The following BCL2L15 variants were observed in gnomAD, a reference collection of about 807,000 sequenced individuals.
The protein encoded by BCL2L15 is BCL2 like 15, also known as bcl-2-like protein 15.
In BCL2L15, 15 loss-of-function variants were observed where a neutral mutation model predicts 18.3. The ratio of observed to expected loss-of-function variants is 0.82; its 90% CI spans 0.55 to 1.26. The LOEUF is 1.26. BCL2L15 is among the 50% of genes most tolerant of loss of function. The probability of loss-of-function intolerance (pLI) is 0.00; values close to 1 mark genes in which losing one functional copy is unlikely to be tolerated. For missense variants in BCL2L15, 180 were observed against 201.7 expected (o/e 0.89, Z 0.65); for synonymous variants, 58 against 68.5 (o/e 0.85, Z 0.76).
Position 113,877,256 on chromosome 1 carries a change from G to A in BCL2L15, c.*3867C>T, listed in dbSNP as rs1178636355. 6.6e-6 allele frequency among the ~76,000 whole-genome samples: 1 copy of A among 151,850 alleles called. No homozygotes were observed. The highest frequency in any genetic ancestry group is 2.4e-5 in the African/African-American group (1 of 41,300). Reference sequence around the variant, plus strand: ...TGATTAAGGCTATATAGGGCAGTTAGGGCCAGATACTGGGGGAATTTGAAT... The same window carrying A: ...TGATTAAGGCTATATAGGGCAGTTAAGGCCAGATACTGGGGGAATTTGAAT... On this transcript the variant is annotated 3_prime_UTR_variant, in exon 4 of 4. Transcript: ENST00000393316.
intron 3 of BCL2L15, chr1:113,881,425 A>G: frequency 7.7e-7 from 1 of 1,299,368 alleles, no homozygotes; most frequent in Admixed American, 3.4e-5. Context: ...AGAAGTTAGG[A>G]AAAAAAGACC....
rs908895725 is a variant in BCL2L15 at position 113,878,017 on chromosome 1, G to A, written c.*3106C>T. Among the ~76,000 whole-genome samples, 2 of 152,222 alleles carry A rather than the reference G, an allele frequency of 1.3e-5. No individual in the cohort carries two copies. The highest frequency in any genetic ancestry group is 6.5e-5 in the Admixed American group (1 of 15,286). On this transcript the variant is annotated 3_prime_UTR_variant, in exon 4 of 4. Coordinates refer to ENST00000393316, the MANE Select transcript of BCL2L15 (RefSeq NM_001010922.3). ...ATATTTAGGAATCACTCACATTGAT[G>A]TGAAAGTAAAGCCATTAAGAGTGGT...
At chr1:113,883,755 G>C (rs1179390196) in intron 2 of BCL2L15, among the ~76,000 whole-genome samples, 2 of 152,214 alleles carry the variant, frequency 1.3e-5, no homozygotes, top group Non-Finnish European at 2.9e-5. Flanking sequence ...CTGCACTCCA[G>C]CCTGGACAAC....
chr1:113,887,402 T>A lies in BCL2L15; in HGVS notation c.-27A>T, dbSNP rs201294219. The A allele has an allele frequency of 1.9e-6, 3 of 1,613,696 alleles. No individual in the cohort carries two copies. Among genetic ancestry groups the A allele is most frequent in the African/African-American group, 2.7e-5 (2 of 75,036 alleles). On this transcript the variant is annotated 5_prime_UTR_variant, in exon 1 of 4. The change creates a new upstream start codon in the 5' untranslated region. Coordinates refer to ENST00000393316, the MANE Select transcript of BCL2L15 (RefSeq NM_001010922.3). ...TTAGATGTTTGCTGTCAAGTTTTGC[T>A]TTTCCACGAAACAAGCAGTTTTCAG...
intron 3 of BCL2L15, chr1:113,881,374 A>T: frequency 9.3e-7 from 1 of 1,072,170 alleles, no homozygotes; most frequent in Non-Finnish European, 1.3e-6. Flanking sequence ...TTTTTCTTAG[A>T]TACTATTAAG....
At position 113,884,975 on chromosome 1, in the gene BCL2L15, A is replaced by G. The variant is rs1298427143; in HGVS notation, c.249+1562T>C. Among the ~76,000 whole-genome samples, 4 of 151,414 alleles carry G rather than the reference A, an allele frequency of 2.6e-5. No individual in the cohort carries two copies. In the East Asian group the frequency reaches 7.8e-4, roughly 29 times the overall value. On this transcript the variant is annotated intron_variant, in intron 2 of 3. Transcript: ENST00000393316. ...TGTATTTATTTATTTATTTTGAGAG[A>G]GGGTCTCGCTCTGTTGCCCAGGTTG...
chr1:113,887,110 C>A lies in BCL2L15; in HGVS notation c.127+139G>T, dbSNP rs188979219. 4.1e-4 allele frequency: 298 copies of A among 727,100 alleles called. 1 individual carries two copies. Among genetic ancestry groups the A allele is most frequent in the Middle Eastern group, 8.1e-4 (2 of 2,454 alleles). The allele number at this position is 727,100 out of a possible 1,614,324, so 45.0% of individuals were successfully genotyped here. On this transcript the variant is annotated intron_variant, in intron 1 of 3. Transcript: ENST00000393316. ...ATGGGGTTTCACCACGTTGGCCAGG[C>A]GGATCTCAAACCCCTGACTTCAGGT... is the stretch of plus-strand genomic sequence containing the variant.
At position 113,881,949 on chromosome 1, in the gene BCL2L15, A is replaced by G; in HGVS notation, c.298T>C (p.Cys100Arg). The G allele has an allele frequency of 6.2e-7, 1 of 1,614,140 alleles. No homozygotes were observed. Among genetic ancestry groups the G allele is most frequent in the Non-Finnish European group, 8.5e-7 (1 of 1,179,946 alleles). ...TAAGCTAAGCTGGAATCCTGAGCAC[A>G]CCAGGTCTTGCTGAGAGATTCCACA... ...DTVESLSKTW[C>R]AQDSSLAYER... Residue 100 changes from cysteine (C) to arginine (R), a missense_variant, in exon 3 of 4, where the codon TGT becomes CGT. Cys to Arg is a radical substitution (Grantham distance 180). Transcript: ENST00000393316.
rs1260644092 is a variant in BCL2L15 at position 113,877,458 on chromosome 1, A to G, written c.*3665T>C. On this transcript the variant is annotated 3_prime_UTR_variant, in exon 4 of 4. Coordinates refer to ENST00000393316, the MANE Select transcript of BCL2L15 (RefSeq NM_001010922.3). ...TAAAATCACTACAATCAAGATAATGAACATGTCTAATCACACTCAAAAGTT... is the reference window on the plus strand; with the variant it reads ...TAAAATCACTACAATCAAGATAATGGACATGTCTAATCACACTCAAAAGTT... 6.6e-6 allele frequency among the ~76,000 whole-genome samples: 1 copy of G among 152,164 alleles called. No individual in the cohort carries two copies. Among genetic ancestry groups the G allele is most frequent in the East Asian group, 1.9e-4 (1 of 5,198 alleles).
intron 2 of BCL2L15, 108 bp downstream of exon 2, chr1:113,886,429 A>T: frequency 8.2e-7 from 1 of 1,220,052 alleles, no homozygotes; most frequent in Non-Finnish European, 1.1e-6. Context: ...TAAGCACCCA[A>T]ATATTTTCAT....
chr1:113,886,468 A>G, intron 2 of BCL2L15, 69 bp downstream of exon 2: 1 of 1,470,654 alleles, frequency 6.8e-7, no homozygotes, highest in Non-Finnish European at 9.3e-7. Context: ...GTAGTATGGG[A>G]GTAGTAAGAA....
chr1:113,881,555 T>C (rs1666879022), intron 3 of BCL2L15: 1 of 1,398,372 alleles, frequency 7.2e-7, no homozygotes, highest in Non-Finnish European at 9.3e-7. Flanking sequence ...CAGCAGTCAA[T>C]ATTTAAGGTA....
At chr1:113,884,080 T>C (rs1666961844) in intron 2 of BCL2L15, among the ~76,000 whole-genome samples, 1 of 152,178 alleles carries the variant, frequency 6.6e-6, no homozygotes, top group Admixed American at 6.5e-5. Flanking sequence ...GATATTTACA[T>C]AGTTTCAAAG....
chr1:113,883,947 A>G (rs1315023855), intron 2 of BCL2L15, among the ~76,000 whole-genome samples: 2 of 152,248 alleles, frequency 1.3e-5, no homozygotes, highest in Non-Finnish European at 2.9e-5. Context: ...AGCTAAAACT[A>G]GGATGATTTG....
intron 2 of BCL2L15, among the ~76,000 whole-genome samples, chr1:113,885,363 A>G (rs903158059): frequency 6.6e-6 from 1 of 152,220 alleles, no homozygotes; most frequent in Non-Finnish European, 1.5e-5. Flanking sequence ...CTGCCTGAAC[A>G]TAGTGTAGGC....
chr1:113,877,036 G>C lies in BCL2L15; in HGVS notation c.*4087C>G, dbSNP rs1328257994. Among the ~76,000 whole-genome samples the C allele has an allele frequency of 2.0e-5, 3 of 152,098 alleles. No individual in the cohort carries two copies. The highest frequency in any genetic ancestry group is 4.4e-5 in the Non-Finnish European group (3 of 68,018). On this transcript the variant is annotated 3_prime_UTR_variant, in exon 4 of 4. Coordinates refer to ENST00000393316, the MANE Select transcript of BCL2L15 (RefSeq NM_001010922.3). ...ACAAACAAAAGTTCAAGGAGGCAAA[G>C]ACCACTTCTTATTCTGGTTATATGG...
chr1:113,881,223 G>A (rs1456401370), intron 3 of BCL2L15, 83 bp from the exon 4 acceptor site: 2 of 1,597,546 alleles, frequency 1.3e-6, no homozygotes, highest in Non-Finnish European at 1.7e-6. Context: ...TCTGCAGATA[G>A]CTCCAGGAAA....
intron 2 of BCL2L15, among the ~76,000 whole-genome samples, chr1:113,882,576 C>T (rs538095528): frequency 2.6e-5 from 4 of 152,034 alleles, no homozygotes; most frequent in South Asian, 2.1e-4. Flanking sequence ...ACCTGGGAGG[C>T]GAAGGTTGAA....
At position 113,887,413 on chromosome 1, in the gene BCL2L15, ACAAG is replaced by A; in HGVS notation, c.-42_-39del. The A allele has an allele frequency of 6.2e-7, 1 of 1,613,338 alleles. No individual in the cohort carries two copies. The highest frequency in any genetic ancestry group is 1.7e-4 in the Middle Eastern group (1 of 6,054). ...CTGTCAAGTTTTGCTTTTCCACGAA[ACAAG>A]CAGTTTTCAGCCCAGCAGGAAGTTA... On this transcript the variant is annotated 5_prime_UTR_variant, in exon 1 of 4. Transcript: ENST00000393316.
Sources: gnomAD v4.1 joint callset for allele counts (sites outside exome capture counted in the v4.1 genomes callset) on GRCh38, gnomAD v4.1.1 for gene constraint, MANE v1.5 for transcripts, NCBI Gene and HGNC (gene_info 2026-07-23, HGNC 2026-07-21) for gene names.